Variants in TRIM22 observed in about 807,000 individuals in gnomAD.
TRIM22 encodes the protein E3 ubiquitin-protein ligase TRIM22.
Under a neutral mutation model 53.6 loss-of-function variants are expected in TRIM22, and 45 were observed. The ratio of observed to expected loss-of-function variants is 0.84; its 90% CI spans 0.66 to 1.08. The LOEUF is 1.08. Ranked by LOEUF, TRIM22 falls within the 50% of genes least tolerant of loss-of-function variation. The pLI, the probability that TRIM22 is intolerant of heterozygous loss-of-function variation, is 0.00. For synonymous variants in TRIM22, 225 were observed against 216.6 expected, an observed-to-expected ratio of 1.04 and a Z score of -0.34; for missense variants, 616 against 590.9, an observed-to-expected ratio of 1.04 and a Z score of -0.44.
intron 1 of TRIM22, among the ~76,000 whole-genome samples, chr11:5,693,579 CG>C (rs1206750437): frequency 1.3e-5 from 2 of 151,588 alleles, no homozygotes; most frequent in Non-Finnish European, 2.9e-5. Flanking sequence ...AAAAATCACC[CG>C]GGTGTGGTGG....
At chr11:5,708,042 C>T (rs1853488614) in intron 5 of TRIM22, 131 bp from the exon 6 acceptor site, 1 of 674,582 alleles carries the variant, frequency 1.5e-6, no homozygotes, top group African/African-American at 1.8e-5. Flanking sequence ...TCAGGCATCT[C>T]CCCTCTACTG....
chr11:5,702,596 G>A (rs1001281199), intron 4 of TRIM22, among the ~76,000 whole-genome samples: 1 of 151,788 alleles, frequency 6.6e-6, no homozygotes, highest in Non-Finnish European at 1.5e-5. Context: ...AGGTACCTTA[G>A]AGCAGAGTAT....
intron 3 of TRIM22, chr11:5,697,933 G>C (rs1283800456): frequency 4.9e-6 from 1 of 203,490 alleles, no homozygotes; most frequent in Admixed American, 5.2e-5. Context: ...TCAATCTCCT[G>C]ACCTTGTGAT....
chr11:5,709,246 T>C lies in TRIM22; in HGVS notation c.1095T>C (p.Ile365=), dbSNP rs780165018. 3.1e-6 allele frequency: 5 copies of C among 1,614,210 alleles called. No individual in the cohort carries two copies. Among genetic ancestry groups the C allele is most frequent in the Non-Finnish European group, 3.4e-6 (4 of 1,180,040 alleles). ...GGGAAGTAGATGTGTCTGGAAAGAT[T>C]GCCTGGATCCTGGGCGTACACAGTA... ...YYWEVDVSGK[I]AWILGVHSKI... is the part of the protein sequence containing the mutation. The change falls in exon 8 of 8, where the codon ATT becomes ATC. Residue 365 remains isoleucine, a synonymous_variant. Coordinates refer to ENST00000379965, the MANE Select transcript of TRIM22 (RefSeq NM_006074.5).
rs1185939755 is a variant in TRIM22 at position 5,696,280 on chromosome 11, C to T, written c.48C>T (p.Pro16=). 1 of 1,613,970 alleles carries T rather than the reference C, an allele frequency of 6.2e-7. No individual in the cohort carries two copies. Among genetic ancestry groups the T allele is most frequent in the Admixed American group, 1.7e-5 (1 of 60,008 alleles). Residue 16 remains proline (P), a synonymous_variant, in exon 2 of 8, where the codon CCC becomes CCT. Coordinates refer to ENST00000379965, the MANE Select transcript of TRIM22 (RefSeq NM_006074.5). ...ACATAGAGAAGGAGGTGACCTGCCCCATCTGCCTGGAGCTCCTGACAGAAC... is the reference window on the plus strand; with the variant it reads ...ACATAGAGAAGGAGGTGACCTGCCCTATCTGCCTGGAGCTCCTGACAGAAC... ...KVDIEKEVTC[P]ICLELLTEPL...
chr11:5,709,388 C>T lies in TRIM22; in HGVS notation c.1237C>T (p.Gln413Ter), dbSNP rs202005097. 27 of 1,614,180 alleles carry T rather than the reference C, an allele frequency of 1.7e-5. No homozygotes were observed. Among genetic ancestry groups the T allele is most frequent in the Non-Finnish European group, 1.0e-5 (12 of 1,180,030 alleles). ...PQYGYWVIGL[Q>*]NTCEYNAFED... ...ATATGGCTACTGGGTTATAGGATTA[C>T]AGAATACATGTGAATATAATGCTTT... Residue 413 changes from glutamine (Q) to a stop codon, truncating the protein, a stop_gained, in exon 8 of 8, where the codon CAG (glutamine) becomes TAG (stop). Coordinates refer to ENST00000379965, the MANE Select transcript of TRIM22 (RefSeq NM_006074.5). LOFTEE classifies it high-confidence loss of function.
chr11:5,693,189 CTTTTT>C (rs55820335), intron 1 of TRIM22, among the ~76,000 whole-genome samples: 5 of 125,618 alleles, frequency 4.0e-5, no homozygotes, highest in East Asian at 2.5e-4. Flanking sequence ...GCCTGGCCAT[CTTTTT>C]TTTTTTTTTT....
chr11:5,695,550 GA>G (rs1381856521), intron 1 of TRIM22, among the ~76,000 whole-genome samples: 1 of 147,788 alleles, frequency 6.8e-6, no homozygotes, highest in African/African-American at 2.5e-5. Context: ...ATCAGAATAG[GA>G]GTGATGGCAT....
chr11:5,696,249 AG>A lies in TRIM22; in HGVS notation c.19del (p.Val7Ter). ...AGCAGTGCAATGGATTTCTCAGTAA[AG>A]GTAGACATAGAGAAGGAGGTGACCT... MDFSVKVDIEKEVTCP... is the reference protein window; with the variant it reads MDFSVXVDIEKEVTCP... On this transcript the variant is annotated frameshift_variant, in exon 2 of 8. Coordinates refer to ENST00000379965, the MANE Select transcript of TRIM22 (RefSeq NM_006074.5). LOFTEE classifies it high-confidence loss of function. 1 of 1,610,746 alleles carries A rather than the reference AG, an allele frequency of 6.2e-7. No homozygotes were observed. The highest frequency in any genetic ancestry group is 8.5e-7 in the Non-Finnish European group (1 of 1,178,234).
At chr11:5,702,173 T>C (rs1444846562) in intron 4 of TRIM22, among the ~76,000 whole-genome samples, 4 of 145,570 alleles carry the variant, frequency 2.7e-5, no homozygotes, top group Non-Finnish European at 4.5e-5. Flanking sequence ...ATATTACATA[T>C]ACATAACTAA....
At position 5,706,582 on chromosome 11, in the gene TRIM22, T is replaced by C; in HGVS notation, c.751-12T>C. 1 of 1,612,290 alleles carries C rather than the reference T, an allele frequency of 6.2e-7. No individual in the cohort carries two copies. The highest frequency in any genetic ancestry group is 8.5e-7 in the Non-Finnish European group (1 of 1,178,904). On this transcript the variant is annotated splice_polypyrimidine_tract_variant and intron_variant, in intron 4 of 7. Coordinates refer to ENST00000379965, the MANE Select transcript of TRIM22 (RefSeq NM_006074.5). ...ACCCTATCTTGACTCATGTTTTCTA[T>C]CTTTTCCCCAGGATGTGATTGACGT...
chr11:5,708,330 A>G, intron 6 of TRIM22, 57 bp downstream of exon 6: 2 of 1,515,740 alleles, frequency 1.3e-6, no homozygotes, highest in African/African-American at 1.4e-5. Context: ...AGGGCTCAAT[A>G]GGGAAGCGGG....
intron 4 of TRIM22, among the ~76,000 whole-genome samples, chr11:5,701,232 T>C (rs944765003): frequency 6.6e-6 from 1 of 152,204 alleles, no homozygotes; most frequent in Non-Finnish European, 1.5e-5. Flanking sequence ...TGTTACAAAA[T>C]AGTCCATCTC....
chr11:5,692,876 C>CTTTTTTTTTTTTTTTTTTTTTTT (rs376485434), intron 1 of TRIM22, among the ~76,000 whole-genome samples: 1 of 132,918 alleles, frequency 7.5e-6, no homozygotes, highest in Non-Finnish European at 1.6e-5. Context: ...TTAATTTAAT[C>CTTTTTTTTTTTTTTTTTTTTTTT]TTTTTTTTTT....
At position 5,696,539 on chromosome 11, in the gene TRIM22, A is replaced by C; in HGVS notation, c.307A>C (p.Lys103Gln). 6.2e-7 allele frequency: 1 copy of C among 1,614,244 alleles called. No homozygotes were observed. The highest frequency in any genetic ancestry group is 8.5e-7 in the Non-Finnish European group (1 of 1,180,036). The change falls in exon 2 of 8, where the codon AAA becomes CAA. Residue 103 changes from lysine to glutamine, a missense_variant. Physicochemically the swap from Lys to Gln is moderately conservative, Grantham distance 53. Coordinates refer to ENST00000379965, the MANE Select transcript of TRIM22 (RefSeq NM_006074.5). ...AGATGTCTGTGAGCACCATGGAAAA[A>C]AACTCCAGATCTTCTGTAAGGAGGA... ...KRDVCEHHGK[K>Q]LQIFCKEDGK...
In TRIM22 at chr11:5,709,476, G is replaced by C; in HGVS notation, c.1325G>C (p.Arg442Pro). ...CTCTTTATGGCTGTGCCTCCCTGTC[G>C]TATTGGGGTTTTCCTAGACTATGAG... ...LTLFMAVPPC[R>P]IGVFLDYEAG... The change falls in exon 8 of 8, where the codon CGT (arginine) becomes CCT (proline). Residue 442 changes from arginine (R) to proline (P), a missense_variant. By Grantham distance (103) the Arg-to-Pro change is moderately radical. Coordinates refer to ENST00000379965, the MANE Select transcript of TRIM22 (RefSeq NM_006074.5). The C allele has an allele frequency of 1.9e-6, 3 of 1,614,062 alleles. No individual in the cohort carries two copies. Among genetic ancestry groups the C allele is most frequent in the Non-Finnish European group, 1.7e-6 (2 of 1,180,000 alleles).
rs999295 is a variant in TRIM22, at chr11:5,709,018, A to C, written c.902-35A>C. ...CAATGCTGTAAGACACACCTATCCC[A>C]TATCCTTCACTTGACTTGGTAATTT... On this transcript the variant is annotated intron_variant, in intron 7 of 7. Transcript: ENST00000379965. 1,538 of 1,516,918 alleles carry C rather than the reference A, an allele frequency of 1.0e-3. 16 individuals carry two copies. In the African/African-American group the frequency reaches 0.019, roughly 19 times the overall value. The allele number at this position is 1,516,918 out of a possible 1,614,324, so 94.0% of individuals were successfully genotyped here.
chr11:5,699,360 TA>T (rs1326163923), intron 4 of TRIM22, among the ~76,000 whole-genome samples: 2 of 141,952 alleles, frequency 1.4e-5, no homozygotes, highest in African/African-American at 2.8e-5. Context: ...CCGTCTCTAC[TA>T]AAAATACAAA....
intron 4 of TRIM22, among the ~76,000 whole-genome samples, chr11:5,700,369 C>T (rs947207959): frequency 6.6e-6 from 1 of 152,034 alleles, no homozygotes; most frequent in Non-Finnish European, 1.5e-5. Flanking sequence ...CCCGCCTTGG[C>T]CTCCCAAAGT....
Sources: gnomAD v4.1 joint callset for allele counts (sites outside exome capture counted in the v4.1 genomes callset) on GRCh38, gnomAD v4.1.1 for gene constraint, MANE v1.5 for transcripts, NCBI Gene and HGNC (gene_info 2026-07-23, HGNC 2026-07-21) for gene names.